Variants in PLXNC1 observed in about 807,000 individuals in gnomAD.
PLXNC1 encodes plexin-C1.
Under a neutral mutation model 178.2 loss-of-function variants are expected in PLXNC1, and 75 were observed. The observed-to-expected ratio is 0.42, with a 90% confidence interval of 0.35 to 0.51. The LOEUF (loss-of-function observed/expected upper bound fraction) is 0.51. PLXNC1 is among the 20% of genes least tolerant of loss of function. PLXNC1 has a pLI of 0.02. For missense variants in PLXNC1, 1,503 were observed against 1,984.4 expected (o/e 0.76, Z 4.61); for synonymous variants, 790 against 779.9 (o/e 1.01, Z -0.22).
intron 20 of PLXNC1, among the ~76,000 whole-genome samples, chr12:94,263,099 G>A (rs563002473): frequency 1.3e-5 from 2 of 152,138 alleles, no homozygotes; most frequent in African/African-American, 2.4e-5. Context: ...CGTACGCAGC[G>A]GCTGTGGCTC....
At chr12:94,278,345 C>T (rs933295070) in intron 21 of PLXNC1, among the ~76,000 whole-genome samples, 23 of 152,194 alleles carry the variant, frequency 1.5e-4, no homozygotes, top group Non-Finnish European at 2.8e-4. Flanking sequence ...AATCAATTCC[C>T]GTGAGGGTAC....
chr12:94,195,135 G>C (rs977576948), intron 4 of PLXNC1, among the ~76,000 whole-genome samples: 1 of 152,038 alleles, frequency 6.6e-6, no homozygotes. Flanking sequence ...CCTTACTAGC[G>C]GGTGCTGGGA....
At chr12:94,299,139 A>G (rs2136221551) in intron 27 of PLXNC1, among the ~76,000 whole-genome samples, 1 of 152,302 alleles carries the variant, frequency 6.6e-6, no homozygotes, top group Middle Eastern at 3.4e-3. Context: ...TTTATGATAA[A>G]CCATTTTTTG....
Position 94,218,698 on chromosome 12 carries a change from T to TAC in PLXNC1, c.1555-1301_1555-1300dup, listed in dbSNP as rs540953544. Among the ~76,000 whole-genome samples the TAC allele has an allele frequency of 1.3e-3, 190 of 150,214 alleles. No individual in the cohort carries two copies. The East Asian group carries it at 0.015, about 12-fold the overall frequency. On this transcript the variant is annotated intron_variant, in intron 5 of 30. Coordinates refer to ENST00000258526, the MANE Select transcript of PLXNC1 (RefSeq NM_005761.3). ...AGATTGTCTTTTTGTGTCCCTACTA[T>TAC]ACACACACACACACACACGTACAGG...
intron 5 of PLXNC1, among the ~76,000 whole-genome samples, chr12:94,214,186 AG>A (rs1297453134): frequency 6.6e-6 from 1 of 151,240 alleles, no homozygotes; most frequent in Non-Finnish European, 1.5e-5. Flanking sequence ...CTGGGCTCAA[AG>A]GATCCTCCCA....
intron 2 of PLXNC1, among the ~76,000 whole-genome samples, chr12:94,180,143 A>G (rs1690284267): frequency 6.6e-6 from 1 of 152,132 alleles, no homozygotes; most frequent in Admixed American, 6.5e-5. Context: ...TCTCATCTAC[A>G]GTAAAAGGCA....
At chr12:94,158,407 G>C (rs990203428) in intron 1 of PLXNC1, among the ~76,000 whole-genome samples, 1 of 152,194 alleles carries the variant, frequency 6.6e-6, no homozygotes, top group Non-Finnish European at 1.5e-5. Flanking sequence ...AAAGGTGGTT[G>C]GATTTTATCC....
At chr12:94,199,641 G>A (rs1963046552) in intron 4 of PLXNC1, among the ~76,000 whole-genome samples, 1 of 152,194 alleles carries the variant, frequency 6.6e-6, no homozygotes, top group Admixed American at 6.5e-5. Context: ...TCAGCTGTGA[G>A]AGGAGCTATG....
chr12:94,219,613 A>G (rs951141073), intron 5 of PLXNC1, among the ~76,000 whole-genome samples: 1 of 152,186 alleles, frequency 6.6e-6, no homozygotes, highest in African/African-American at 2.4e-5. Flanking sequence ...TACAAGACAA[A>G]CAATAGATTA....
At chr12:94,161,385 C>T (rs1961380903) in intron 1 of PLXNC1, among the ~76,000 whole-genome samples, 1 of 152,060 alleles carries the variant, frequency 6.6e-6, no homozygotes, top group South Asian at 2.1e-4. Flanking sequence ...GTAGAGAAAG[C>T]TCAGAAAGGA....
At chr12:94,234,859 G>C (rs1253585137) in intron 9 of PLXNC1, among the ~76,000 whole-genome samples, 3 of 152,146 alleles carry the variant, frequency 2.0e-5, no homozygotes, top group African/African-American at 7.2e-5. Context: ...GAACCTTTAT[G>C]GGGAAATGAT....
chr12:94,274,132 G>A (rs983241550), intron 21 of PLXNC1, among the ~76,000 whole-genome samples: 5 of 122,152 alleles, frequency 4.1e-5, no homozygotes, highest in Non-Finnish European at 7.9e-5. Flanking sequence ...ACTAGCCTGG[G>A]CAACACAGCA....
At chr12:94,220,244 T>A in intron 6 of PLXNC1, 81 bp downstream of exon 6, 1 of 1,366,264 alleles carries the variant, frequency 7.3e-7, no homozygotes, top group Non-Finnish European at 1.0e-6. Context: ...GCCCAAGGAA[T>A]ATGAATAGTT....
At chr12:94,196,025 G>C (rs1962901273) in intron 4 of PLXNC1, among the ~76,000 whole-genome samples, 1 of 152,058 alleles carries the variant, frequency 6.6e-6, no homozygotes, top group African/African-American at 2.4e-5. Flanking sequence ...AAGCCCCCCA[G>C]GCCTATCATT....
At chr12:94,184,475 T>G (rs1343568311) in intron 3 of PLXNC1, among the ~76,000 whole-genome samples, 1 of 150,412 alleles carries the variant, frequency 6.6e-6, no homozygotes. Context: ...CAGGCTGGAG[T>G]GCAGTGGTGT....
Position 94,240,609 on chromosome 12 carries a change from T to A in PLXNC1, c.2245T>A (p.Ser749Thr). Reference sequence around the variant, plus strand: ...GAACTGCTCTTCTGTGGGATCCTTATCCTACATTGCTCTGCCACATTGTTC... The same window carrying A: ...GAACTGCTCTTCTGTGGGATCCTTAACCTACATTGCTCTGCCACATTGTTC... ...GGNCSSVGSLSYIALPHCSLI... is the reference protein window; with the variant it reads ...GGNCSSVGSLTYIALPHCSLI... The change falls in exon 11 of 31, where the codon TCC (serine) becomes ACC (threonine). Residue 749 changes from serine (S) to threonine (T), a missense_variant. Physicochemically the swap from Ser to Thr is moderately conservative, Grantham distance 58. Transcript: ENST00000258526. The A allele has an allele frequency of 6.2e-7, 1 of 1,614,030 alleles. No homozygotes were observed. The highest frequency in any genetic ancestry group is 1.1e-5 in the South Asian group (1 of 91,080).
intron 23 of PLXNC1, among the ~76,000 whole-genome samples, chr12:94,286,444 A>G (rs187393505): frequency 5.9e-5 from 9 of 152,104 alleles, no homozygotes; most frequent in Admixed American, 5.9e-4. Flanking sequence ...CGCAGACTCA[A>G]CATTTGGGAG....
intron 17 of PLXNC1, among the ~76,000 whole-genome samples, chr12:94,258,910 A>G (rs772780126): frequency 1.3e-5 from 2 of 152,248 alleles, no homozygotes; most frequent in Non-Finnish European, 2.9e-5. Flanking sequence ...ATCATTGTGT[A>G]TTGAAACAGT....
At chr12:94,175,735 T>G (rs71458538) in intron 2 of PLXNC1, among the ~76,000 whole-genome samples, 168 of 152,372 alleles carry the variant, frequency 1.1e-3, no homozygotes, top group Non-Finnish European at 2.0e-3. Flanking sequence ...TTAATAAATA[T>G]CTACTGGGCA....
Sources: gnomAD v4.1 joint callset for allele counts (sites outside exome capture counted in the v4.1 genomes callset) on GRCh38, gnomAD v4.1.1 for gene constraint, MANE v1.5 for transcripts, NCBI Gene and HGNC (gene_info 2026-07-23, HGNC 2026-07-21) for gene names.